TNR: variants seen among roughly 807,000 people sequenced by gnomAD.
The protein encoded by TNR is tenascin R.
A neutral mutation model predicts 150.4 loss-of-function variants in TNR; 45 were observed. That is an observed-to-expected ratio of 0.30 (90% CI 0.24 to 0.38). TNR has a LOEUF of 0.38. Among genes scored for constraint, TNR ranks in the 10% least tolerant of loss-of-function variants. The probability of loss-of-function intolerance (pLI) is 1.00; values close to 1 mark genes in which losing one functional copy is unlikely to be tolerated. For missense variants in TNR, 1,544 were observed against 1,759.1 expected (o/e 0.88, Z 2.19); for synonymous variants, 687 against 678.4 (o/e 1.01, Z -0.20).
At chr1:175,688,535 CA>C (rs1666266218) in intron 1 of TNR, among the ~76,000 whole-genome samples, 1 of 152,134 alleles carries the variant, frequency 6.6e-6, no homozygotes, top group Non-Finnish European at 1.5e-5. Flanking sequence ...CCACAGACCC[CA>C]GTTTTGTTCT....
chr1:175,562,423 G>A (rs1661467454), intron 1 of TNR, among the ~76,000 whole-genome samples: 1 of 152,200 alleles, frequency 6.6e-6, no homozygotes, highest in South Asian at 2.1e-4. Flanking sequence ...CTGAGCCTAA[G>A]GAGCAAGGCT....
chr1:175,726,972 A>T (rs1311683069), intron 1 of TNR, among the ~76,000 whole-genome samples: 1 of 152,160 alleles, frequency 6.6e-6, no homozygotes, highest in Non-Finnish European at 1.5e-5. Context: ...ACAGCCAAGC[A>T]GAAACAAGGG....
intron 9 of TNR, among the ~76,000 whole-genome samples, chr1:175,377,010 T>C (rs1652422623): frequency 6.6e-6 from 1 of 152,122 alleles, no homozygotes; most frequent in African/African-American, 2.4e-5. Flanking sequence ...CCTTACATTT[T>C]ACTTCTTTAG....
chr1:175,523,744 G>A (rs1300713203), intron 2 of TNR, among the ~76,000 whole-genome samples: 1 of 152,122 alleles, frequency 6.6e-6, no homozygotes, highest in Non-Finnish European at 1.5e-5. Flanking sequence ...GCTGTGTCCT[G>A]AGTGATCTTT....
At position 175,403,291 on chromosome 1, in the gene TNR, T is replaced by A; in HGVS notation, c.825A>T (p.Arg275Ser). Residue 275 changes from arginine to serine, a missense_variant, in exon 4 of 23, where the codon AGA becomes AGT. Arg to Ser is a moderately radical substitution (Grantham distance 110). Around this residue, in one of 2 missense-constraint regions of TNR, gnomAD observed 1,254 missense variants for 1,329.4 expected, o/e 0.94. Coordinates refer to ENST00000367674, the MANE Select transcript of TNR (RefSeq NM_003285.3). ...CGCATAAACAGGTACCGTTGGCACA[T>A]CTCCCCTTCCCCGAACAGTCCCCAG... ...RCPGDCSGKG[R>S]CANGTCLCEE... 6.2e-7 allele frequency: 1 copy of A among 1,613,970 alleles called. No individual in the cohort carries two copies. Among genetic ancestry groups the A allele is most frequent in the Non-Finnish European group, 8.5e-7 (1 of 1,179,996 alleles).
At chr1:175,732,931 T>C (rs1330727755) in intron 1 of TNR, among the ~76,000 whole-genome samples, 1 of 152,184 alleles carries the variant, frequency 6.6e-6, no homozygotes, top group Non-Finnish European at 1.5e-5. Context: ...CTACTGAAAA[T>C]AGAGGTGGAG....
At chr1:175,611,784 A>G (rs1156764534) in intron 1 of TNR, among the ~76,000 whole-genome samples, 1 of 152,254 alleles carries the variant, frequency 6.6e-6, no homozygotes, top group Non-Finnish European at 1.5e-5. Flanking sequence ...TCACAGACGC[A>G]TAGTCTCTAC....
Position 175,574,082 on chromosome 1 carries a change from G to A in TNR, c.-164-45713C>T, listed in dbSNP as rs115858052. Among the ~76,000 whole-genome samples the A allele has an allele frequency of 5.4e-3, 821 of 152,268 alleles. 9 individuals carry two copies. The highest frequency in any genetic ancestry group is 0.011 in the Admixed American group (162 of 15,304). On this transcript the variant is annotated intron_variant, in intron 1 of 22. Coordinates refer to ENST00000367674, the MANE Select transcript of TNR (RefSeq NM_003285.3). ...AAGATGAGAGGTGGTGGGAGTGGGC[G>A]TGGAGAGAAGACCTGGGATGATGTC...
chr1:175,699,279 A>G (rs1057469089), intron 1 of TNR, among the ~76,000 whole-genome samples: 1 of 152,222 alleles, frequency 6.6e-6, no homozygotes, highest in African/African-American at 2.4e-5. Context: ...GTTTGAGGAA[A>G]GAGAAAGTGA....
chr1:175,355,540 T>C lies in TNR; in HGVS notation c.3212A>G (p.Tyr1071Cys). Residue 1071 changes from tyrosine (Y) to cysteine (C), a missense_variant, in exon 17 of 23, where the codon TAT (tyrosine) becomes TGT (cysteine). By Grantham distance (194) the Tyr-to-Cys change is radical. Coordinates refer to ENST00000367674, the MANE Select transcript of TNR (RefSeq NM_003285.3). Reference protein sequence around the residue: ...WQPPRAEIENYVLTYKSTDGS... With the variant: ...WQPPRAEIENCVLTYKSTDGS... ...ATCGGTGGATTTGTAGGTCAAGACA[T>C]AATTTTCAATCTCTGCCCTGGGAGG... 6.2e-7 allele frequency: 1 copy of C among 1,614,070 alleles called. No homozygotes were observed. The highest frequency in any genetic ancestry group is 8.5e-7 in the Non-Finnish European group (1 of 1,179,928).
At chr1:175,405,134 T>A (rs1557912337) in intron 3 of TNR, among the ~76,000 whole-genome samples, 1 of 152,200 alleles carries the variant, frequency 6.6e-6, no homozygotes. Flanking sequence ...CCTCTTGTCA[T>A]CAAAGAACTG....
chr1:175,425,339 A>G (rs559814975), intron 2 of TNR, among the ~76,000 whole-genome samples: 1 of 152,320 alleles, frequency 6.6e-6, no homozygotes, highest in East Asian at 1.9e-4. Flanking sequence ...GAGATACTTA[A>G]TAATGGCATT....
intron 1 of TNR, among the ~76,000 whole-genome samples, chr1:175,614,835 C>A (rs1246575306): frequency 1.3e-5 from 2 of 152,224 alleles, no homozygotes; most frequent in Admixed American, 6.5e-5. Flanking sequence ...GACGTCTCAG[C>A]ACTCAGGTTC....
intron 2 of TNR, among the ~76,000 whole-genome samples, chr1:175,495,320 C>G (rs1390088171): frequency 6.6e-6 from 1 of 152,140 alleles, no homozygotes; most frequent in Non-Finnish European, 1.5e-5. Flanking sequence ...TCCTCAAGGG[C>G]AAAGATCCTA....
chr1:175,327,458 C>T (rs1313116634), intron 21 of TNR, among the ~76,000 whole-genome samples: 3 of 152,176 alleles, frequency 2.0e-5, no homozygotes, highest in Non-Finnish European at 2.9e-5. Flanking sequence ...CTCGGACTTA[C>T]TTTATCCTGT....
At chr1:175,547,860 T>A (rs1660774128) in intron 1 of TNR, among the ~76,000 whole-genome samples, 1 of 152,176 alleles carries the variant, frequency 6.6e-6, no homozygotes. Context: ...TTAAAGCCAC[T>A]CTGTAGAGAG....
chr1:175,519,359 G>A (rs1659540594), intron 2 of TNR, among the ~76,000 whole-genome samples: 1 of 152,182 alleles, frequency 6.6e-6, no homozygotes, highest in South Asian at 2.1e-4. Context: ...TGAGCTCATG[G>A]TGGACTAGAC....
intron 1 of TNR, among the ~76,000 whole-genome samples, chr1:175,540,746 C>T (rs991911869): frequency 1.3e-5 from 2 of 152,124 alleles, no homozygotes; most frequent in Non-Finnish European, 1.5e-5. Flanking sequence ...TTGTTATCTC[C>T]GGACTGGTTC....
At chr1:175,725,838 C>G (rs1457868652) in intron 1 of TNR, among the ~76,000 whole-genome samples, 1 of 152,180 alleles carries the variant, frequency 6.6e-6, no homozygotes, top group Non-Finnish European at 1.5e-5. Flanking sequence ...GCCTTCGTCA[C>G]TGCTGGATAT....
Sources: allele counts gnomAD v4.1 joint callset (sites outside exome capture counted in the v4.1 genomes callset), GRCh38; gene constraint gnomAD v4.1.1; regional missense constraint gnomAD v4.1.1; transcripts MANE v1.5; gene names NCBI Gene and HGNC (gene_info 2026-07-23, HGNC 2026-07-21).